The following CHMP4B variants were observed in gnomAD, a reference collection of about 807,000 sequenced individuals.
The protein encoded by CHMP4B is SNF7 homolog associated with Alix 1.
A neutral mutation model predicts 25.1 loss-of-function variants in CHMP4B; 1 was observed. The observed-to-expected ratio is 0.04, with a 90% CI of 0.01 to 0.19. CHMP4B has a LOEUF of 0.19. Ranked by LOEUF, CHMP4B falls within the 10% of genes least tolerant of loss-of-function variation. CHMP4B has a pLI of 1.00. For synonymous variants in CHMP4B, 101 were observed against 115.6 expected (o/e 0.87, Z 0.81); for missense variants, 151 against 289.7 (o/e 0.52, Z 3.48).
chr20:33,821,129 G>C (rs1206506437), intron 1 of CHMP4B, among the ~76,000 whole-genome samples: 1 of 152,142 alleles, frequency 6.6e-6, no homozygotes, highest in Non-Finnish European at 1.5e-5. Context: ...GCTCACGCCT[G>C]TAATCCCAGC....
intron 1 of CHMP4B, among the ~76,000 whole-genome samples, chr20:33,826,406 G>T (rs555062540): frequency 2.0e-5 from 3 of 152,216 alleles, no homozygotes; most frequent in East Asian, 1.9e-4. Flanking sequence ...GGCTCAGGTG[G>T]GGTGAGAGTA....
At chr20:33,816,926 A>T (rs936438148) in intron 1 of CHMP4B, among the ~76,000 whole-genome samples, 1 of 152,350 alleles carries the variant, frequency 6.6e-6, no homozygotes, top group Middle Eastern at 3.4e-3. Context: ...CTCACAAGAG[A>T]TATATCTTCA....
rs1348662973 is a variant in CHMP4B at position 33,830,182 on chromosome 20, G to C, written c.191-18285G>C. Among the ~76,000 whole-genome samples the C allele has an allele frequency of 5.3e-5, 8 of 152,324 alleles. No homozygotes were observed. The East Asian group carries it at 1.5e-3, about 29-fold the overall frequency. On this transcript the variant is annotated intron_variant, in intron 1 of 4. Transcript: ENST00000217402. The stretch of plus-strand genomic sequence containing the variant: ...GGTGGTGAAGAGGAAGATGAAAGGA[G>C]TGGCAGAAGCATTTGGTGGTTCCCT...
intron 1 of CHMP4B, among the ~76,000 whole-genome samples, chr20:33,837,557 T>G (rs974919863): frequency 7.2e-5 from 11 of 152,092 alleles, no homozygotes; most frequent in African/African-American, 1.2e-4. Context: ...GTGCCAGAAC[T>G]TGTAAGGAGA....
At chr20:33,817,952 A>T (rs893690810) in intron 1 of CHMP4B, among the ~76,000 whole-genome samples, 1 of 152,196 alleles carries the variant, frequency 6.6e-6, no homozygotes, top group Non-Finnish European at 1.5e-5. Context: ...TGGGCAAAAG[A>T]TTCCCAGTTT....
chr20:33,851,520 C>A (rs907129087), intron 3 of CHMP4B, among the ~76,000 whole-genome samples: 2 of 151,764 alleles, frequency 1.3e-5, no homozygotes, highest in Non-Finnish European at 2.9e-5. Context: ...CAATTTGGGA[C>A]CTTGAGTCTC....
intron 1 of CHMP4B, among the ~76,000 whole-genome samples, chr20:33,824,583 A>G (rs1028086814): frequency 1.3e-5 from 2 of 152,352 alleles, no homozygotes; most frequent in East Asian, 1.9e-4. Context: ...CGCTACATCA[A>G]CATTGTGCAT....
chr20:33,846,472 C>T (rs1016276221), intron 1 of CHMP4B, among the ~76,000 whole-genome samples: 12 of 152,284 alleles, frequency 7.9e-5, no homozygotes, highest in Non-Finnish European at 1.8e-4. Flanking sequence ...TAATGAGGCA[C>T]ATCTCATTGT....
chr20:33,835,601 T>C (rs543502443), intron 1 of CHMP4B, among the ~76,000 whole-genome samples: 4 of 152,270 alleles, frequency 2.6e-5, no homozygotes, highest in Non-Finnish European at 4.4e-5. Context: ...GTGTCTGATC[T>C]GCTGTTCATC....
At chr20:33,843,793 T>C (rs926231094) in intron 1 of CHMP4B, among the ~76,000 whole-genome samples, 1 of 152,204 alleles carries the variant, frequency 6.6e-6, no homozygotes, top group Non-Finnish European at 1.5e-5. Context: ...TTGTAAGATA[T>C]AGGAGGTGGT....
chr20:33,845,525 G>C (rs1355683933), intron 1 of CHMP4B, among the ~76,000 whole-genome samples: 1 of 152,126 alleles, frequency 6.6e-6, no homozygotes, highest in Non-Finnish European at 1.5e-5. Context: ...GTTTCACCAT[G>C]GTGGCCAGGC....
chr20:33,815,686 G>C (rs1975009864), intron 1 of CHMP4B, among the ~76,000 whole-genome samples: 1 of 152,192 alleles, frequency 6.6e-6, no homozygotes. Context: ...CATGGTTAAT[G>C]GTCAGCATTT....
chr20:33,838,712 G>A (rs1190608434), intron 1 of CHMP4B, among the ~76,000 whole-genome samples: 1 of 152,104 alleles, frequency 6.6e-6, no homozygotes, highest in Non-Finnish European at 1.5e-5. Flanking sequence ...GAATGACTAT[G>A]GCCCTCACTA....
intron 1 of CHMP4B, among the ~76,000 whole-genome samples, chr20:33,824,780 C>A (rs1601319015): frequency 6.6e-6 from 1 of 151,222 alleles, no homozygotes; most frequent in Non-Finnish European, 1.5e-5. Context: ...GTTCTTAATA[C>A]CTCCCCATCC....
chr20:33,845,378 A>C (rs982585508), intron 1 of CHMP4B, among the ~76,000 whole-genome samples: 1 of 148,940 alleles, frequency 6.7e-6, no homozygotes, highest in Non-Finnish European at 1.5e-5. Flanking sequence ...GCTGGAGTTC[A>C]GTGGCACGGT....
At chr20:33,848,432 G>C in intron 1 of CHMP4B, 35 bp from the exon 2 acceptor site, 1 of 1,610,968 alleles carries the variant, frequency 6.2e-7, no homozygotes, top group Admixed American at 1.7e-5. Context: ...CCCTGTGCCG[G>C]GACTCTCTGA....
chr20:33,844,783 G>T lies in CHMP4B; in HGVS notation c.191-3684G>T, dbSNP rs894612431. Among the ~76,000 whole-genome samples the T allele has an allele frequency of 3.3e-5, 5 of 150,862 alleles. No individual in the cohort carries two copies. The East Asian group carries it at 5.8e-4, about 18-fold the overall frequency. On this transcript the variant is annotated intron_variant, in intron 1 of 4. Coordinates refer to ENST00000217402, the MANE Select transcript of CHMP4B (RefSeq NM_176812.5). Reference sequence around the variant, plus strand: ...GCTCTTTTTTTTTTTTTTTGAGATGGAGTCTTGCTCTGTCGCCCAGGCTGG... The same window carrying T: ...GCTCTTTTTTTTTTTTTTTGAGATGTAGTCTTGCTCTGTCGCCCAGGCTGG...
intron 3 of CHMP4B, 58 bp from the exon 4 acceptor site, chr20:33,852,019 T>C: frequency 6.2e-7 from 1 of 1,611,732 alleles, no homozygotes. Flanking sequence ...GTAGGAGGCA[T>C]GACCGCGGGG....
At chr20:33,851,559 C>T (rs1020049088) in intron 3 of CHMP4B, among the ~76,000 whole-genome samples, 1 of 152,054 alleles carries the variant, frequency 6.6e-6, no homozygotes, top group African/African-American at 2.4e-5. Flanking sequence ...GTACCAGCCC[C>T]TGTTGAAGGT....
Sources: allele counts gnomAD v4.1 joint callset (sites outside exome capture counted in the v4.1 genomes callset), GRCh38; gene constraint gnomAD v4.1.1; transcripts MANE v1.5; gene names NCBI Gene and HGNC (gene_info 2026-07-23, HGNC 2026-07-21).